The following PLPPR1 variants were observed in gnomAD, a reference collection of about 807,000 sequenced individuals.
PLPPR1 encodes phospholipid phosphatase-related protein type 1.
A neutral mutation model predicts 33.1 loss-of-function variants in PLPPR1; 10 were observed. That is an observed-to-expected ratio of 0.30 (90% CI 0.19 to 0.51). The LOEUF is 0.51. Among genes scored for constraint, PLPPR1 ranks in the 20% least tolerant of loss-of-function variants. The probability of loss-of-function intolerance (pLI) is 0.97; values close to 1 mark genes in which losing one functional copy is unlikely to be tolerated. For missense variants in PLPPR1, 304 were observed against 408.1 expected, an observed-to-expected ratio of 0.74 and a Z score of 2.20; for synonymous variants, 151 against 151.0, an observed-to-expected ratio of 1.00 and a Z score of 0.00.
At chr9:101,206,882 A>G (rs1826597849) in intron 2 of PLPPR1, among the ~76,000 whole-genome samples, 1 of 152,148 alleles carries the variant, frequency 6.6e-6, no homozygotes, top group Admixed American at 6.5e-5. Flanking sequence ...CTAATGGCAT[A>G]GAGTGGACCA....
intron 1 of PLPPR1, among the ~76,000 whole-genome samples, chr9:101,159,716 A>G (rs1831748722): frequency 6.6e-6 from 1 of 152,240 alleles, no homozygotes; most frequent in Non-Finnish European, 1.5e-5. Context: ...TTCCAGGCAT[A>G]CAAGGATGAT....
rs148153744 is a variant in PLPPR1, at chr9:101,151,942, G to T, written c.-45-33508G>T. Among the ~76,000 whole-genome samples, 504 of 152,146 alleles carry T rather than the reference G, an allele frequency of 3.3e-3. 3 individuals carry two copies. Among genetic ancestry groups the T allele is most frequent in the African/African-American group, 0.012 (484 of 41,540 alleles). ...GAAATTATACATAGAAAATGAGATT[G>T]TCTAGTTCTAGATCCTTGAGGAATC... On this transcript the variant is annotated intron_variant, in intron 1 of 7. Coordinates refer to ENST00000374874, the MANE Select transcript of PLPPR1 (RefSeq NM_207299.2).
At chr9:101,089,548 G>T (rs1830718176) in intron 1 of PLPPR1, among the ~76,000 whole-genome samples, 1 of 152,030 alleles carries the variant, frequency 6.6e-6, no homozygotes, top group Admixed American at 6.6e-5. Context: ...AATAATATCG[G>T]ACCAAATGTA....
At chr9:101,201,717 G>C (rs1054983542) in intron 2 of PLPPR1, among the ~76,000 whole-genome samples, 1 of 152,106 alleles carries the variant, frequency 6.6e-6, no homozygotes, top group Admixed American at 6.5e-5. Flanking sequence ...AGCTAGCCTT[G>C]TATCAGTTCA....
chr9:101,293,611 C>T (rs920610975), intron 4 of PLPPR1, among the ~76,000 whole-genome samples: 95 of 152,274 alleles, frequency 6.2e-4, no homozygotes, highest in African/African-American at 2.2e-3. Context: ...GTCTCTCAGA[C>T]CACAGTGCAA....
At chr9:101,116,223 G>A (rs1330790168) in intron 1 of PLPPR1, among the ~76,000 whole-genome samples, 1 of 152,182 alleles carries the variant, frequency 6.6e-6, no homozygotes, top group Non-Finnish European at 1.5e-5. Context: ...TCTGTTATTA[G>A]ATTCTAGTCT....
At chr9:101,184,882 A>G (rs907137038) in intron 1 of PLPPR1, among the ~76,000 whole-genome samples, 8 of 151,952 alleles carry the variant, frequency 5.3e-5, no homozygotes, top group Admixed American at 5.3e-4. Flanking sequence ...GAGGGGAACC[A>G]GTGAAACAGA....
intron 4 of PLPPR1, among the ~76,000 whole-genome samples, chr9:101,308,901 A>G (rs568050247): frequency 1.4e-4 from 22 of 152,326 alleles, no homozygotes; most frequent in African/African-American, 5.3e-4. Flanking sequence ...AGAAAGATAA[A>G]TAACTTATAC....
In PLPPR1 at chr9:101,126,893, A is replaced by G. The variant is rs563715761; in HGVS notation, c.-45-58557A>G. ...AAGAGCTGCTTTTATTAGTGCCCAC[A>G]TTGACCAAACTGAGACTGGAATTTT... On this transcript the variant is annotated intron_variant, in intron 1 of 7. Transcript: ENST00000374874. Among the ~76,000 whole-genome samples, 6 of 152,244 alleles carry G rather than the reference A, an allele frequency of 3.9e-5. No individual in the cohort carries two copies. The South Asian group carries it at 1.2e-3, about 32-fold the overall frequency.
At chr9:101,294,819 T>C (rs1473259294) in intron 4 of PLPPR1, among the ~76,000 whole-genome samples, 1 of 151,976 alleles carries the variant, frequency 6.6e-6, no homozygotes, top group African/African-American at 2.4e-5. Context: ...ATAAGAGCTA[T>C]CTATGACAAA....
chr9:101,111,997 G>A (rs1041242106), intron 1 of PLPPR1, among the ~76,000 whole-genome samples: 6 of 152,104 alleles, frequency 3.9e-5, no homozygotes, highest in African/African-American at 1.2e-4. Flanking sequence ...CACATAATGT[G>A]CTTTATTTAA....
intron 4 of PLPPR1, among the ~76,000 whole-genome samples, chr9:101,303,009 C>T (rs986776703): frequency 6.6e-6 from 1 of 152,200 alleles, no homozygotes; most frequent in African/African-American, 2.4e-5. Context: ...TTTTTTGAGA[C>T]AGAGTCTCGC....
intron 1 of PLPPR1, among the ~76,000 whole-genome samples, chr9:101,071,087 G>A (rs942644785): frequency 6.6e-6 from 1 of 152,100 alleles, no homozygotes; most frequent in Non-Finnish European, 1.5e-5. Context: ...CCCAGGAATG[G>A]GGAGGCCGAG....
chr9:101,300,176 CTTATTT>C (rs1218495827), intron 4 of PLPPR1, among the ~76,000 whole-genome samples: 5 of 151,954 alleles, frequency 3.3e-5, no homozygotes, highest in African/African-American at 1.2e-4. Context: ...AAGCAACTTA[CTTATTT>C]TTATTTTCTG....
intron 5 of PLPPR1, among the ~76,000 whole-genome samples, chr9:101,309,838 G>C (rs114688603): frequency 1.3e-5 from 2 of 152,002 alleles, no homozygotes; most frequent in Non-Finnish European, 2.9e-5. Context: ...CAAGGTTTTC[G>C]TTGGTTTCGG....
intron 1 of PLPPR1, among the ~76,000 whole-genome samples, chr9:101,126,561 C>T (rs577240828): frequency 2.0e-5 from 3 of 152,284 alleles, no homozygotes; most frequent in Admixed American, 6.5e-5. Context: ...TCTGAATAAA[C>T]AAACCTCAGA....
At chr9:101,098,304 C>T (rs183360259) in intron 1 of PLPPR1, among the ~76,000 whole-genome samples, 1 of 150,488 alleles carries the variant, frequency 6.6e-6, no homozygotes, top group African/African-American at 2.5e-5. Flanking sequence ...TCATGAGTAT[C>T]AGGTAGAACG....
intron 1 of PLPPR1, among the ~76,000 whole-genome samples, chr9:101,122,732 T>A (rs1481172519): frequency 6.6e-6 from 1 of 152,214 alleles, no homozygotes; most frequent in East Asian, 1.9e-4. Context: ...GTTCTAAATA[T>A]GACCCAGGAC....
chr9:101,119,089 G>A (rs1289585889), intron 1 of PLPPR1, among the ~76,000 whole-genome samples: 1 of 152,154 alleles, frequency 6.6e-6, no homozygotes. Flanking sequence ...TGGACATGCA[G>A]CACCAGGAGC....
Sources: allele counts gnomAD v4.1 joint callset (sites outside exome capture counted in the v4.1 genomes callset), GRCh38; gene constraint gnomAD v4.1.1; transcripts MANE v1.5; gene names NCBI Gene and HGNC (gene_info 2026-07-23, HGNC 2026-07-21).